RSF1: variants seen among roughly 807,000 people sequenced by gnomAD.
RSF1 encodes HBV pX-associated protein 8.
In RSF1, 13 loss-of-function variants were observed where a neutral mutation model predicts 145.2. That is an observed-to-expected ratio of 0.09 (90% confidence interval 0.06 to 0.14). RSF1 has a LOEUF of 0.14. Among genes scored for constraint, RSF1 ranks in the 10% least tolerant of loss-of-function variants. RSF1 has a pLI of 1.00. For synonymous variants in RSF1, 577 were observed against 592.6 expected (o/e 0.97, Z 0.38); for missense variants, 1,517 against 1,718.2 (o/e 0.88, Z 2.07).
At chr11:77,819,786 A>C (rs1948828546) in intron 1 of RSF1, among the ~76,000 whole-genome samples, 1 of 152,008 alleles carries the variant, frequency 6.6e-6, no homozygotes, top group African/African-American at 2.4e-5. Context: ...GGGGAGAGGA[A>C]GGAGAACTAT....
intron 15 of RSF1, among the ~76,000 whole-genome samples, chr11:77,670,809 T>C (rs1177283732): frequency 6.6e-6 from 1 of 151,806 alleles, no homozygotes; most frequent in African/African-American, 2.4e-5. Flanking sequence ...AAAACAATCT[T>C]CAAAACAGGC....
chr11:77,810,798 A>C (rs766229491), intron 1 of RSF1, among the ~76,000 whole-genome samples: 1 of 152,174 alleles, frequency 6.6e-6, no homozygotes, highest in African/African-American at 2.4e-5. Flanking sequence ...ACTGGTTCTA[A>C]ATGTATTTTC....
chr11:77,725,266 G>T (rs1961025717), intron 5 of RSF1, among the ~76,000 whole-genome samples: 2 of 152,038 alleles, frequency 1.3e-5, no homozygotes, highest in African/African-American at 4.8e-5. Context: ...CAATAAAAAA[G>T]TTCATTAAAT....
chr11:77,738,126 C>T (rs1053712433), intron 4 of RSF1, among the ~76,000 whole-genome samples: 1 of 151,916 alleles, frequency 6.6e-6, no homozygotes, highest in Non-Finnish European at 1.5e-5. Flanking sequence ...GAGACTCCGT[C>T]TCTAAAAACA....
intron 1 of RSF1, among the ~76,000 whole-genome samples, chr11:77,778,105 A>AGGAGAGGGGAGGAGGAGGGGGGAAGGG (rs1477292208): frequency 6.8e-4 from 1 of 1,466 alleles, no homozygotes; most frequent in African/African-American, 3.1e-3. Flanking sequence ...TGTCTTGGGA[A>AGGAGAGGGGAGGAGGAGGGGGGAAGGG]GGGGAGGGGA....
At chr11:77,677,465 G>A (rs191530849) in intron 12 of RSF1, among the ~76,000 whole-genome samples, 53 of 152,294 alleles carry the variant, frequency 3.5e-4, no homozygotes, top group African/African-American at 1.2e-3. Context: ...AACAGTGTTT[G>A]CAGGACAGAA....
the RSF1 span, chr11:77,869,306 C>CTTTT: frequency 9.0e-4 from 108 of 120,432 alleles, 2 homozygotes; most frequent in African/African-American, 3.3e-3. Context: ...TTATTTATCT[C>CTTTT]TTTTTCTTTT....
intron 13 of RSF1, among the ~76,000 whole-genome samples, chr11:77,676,299 TTA>T (rs1326805818): frequency 6.6e-6 from 1 of 152,048 alleles, no homozygotes; most frequent in African/African-American, 2.4e-5. Flanking sequence ...TTTTTGTGGT[TTA>T]TATACTTGTT....
At chr11:77,766,321 A>G (rs776388305) in intron 1 of RSF1, among the ~76,000 whole-genome samples, 2 of 152,176 alleles carry the variant, frequency 1.3e-5, no homozygotes, top group Non-Finnish European at 2.9e-5. Flanking sequence ...ATGACCTAAT[A>G]TTTTTCAGTC....
chr11:77,671,682 T>C (rs1590821081), intron 15 of RSF1, among the ~76,000 whole-genome samples: 1 of 149,376 alleles, frequency 6.7e-6, no homozygotes, highest in Non-Finnish European at 1.5e-5. Context: ...TCACCCAGGG[T>C]GGAGTGCAGT....
At chr11:77,820,315 C>T (rs1202025694) in intron 1 of RSF1, among the ~76,000 whole-genome samples, 3 of 152,204 alleles carry the variant, frequency 2.0e-5, no homozygotes, top group African/African-American at 7.2e-5. Flanking sequence ...GCTCCCCGCC[C>T]GGCCGAGTGG....
At chr11:77,735,959 G>C (rs999068577) in intron 4 of RSF1, among the ~76,000 whole-genome samples, 2 of 152,130 alleles carry the variant, frequency 1.3e-5, no homozygotes, top group African/African-American at 4.8e-5. Context: ...GGATGGTCTC[G>C]ATATCTTGAC....
the RSF1 span, among the ~76,000 whole-genome samples, chr11:77,855,949 C>A: frequency 6.6e-6 from 1 of 151,990 alleles, no homozygotes; most frequent in Non-Finnish European, 1.5e-5. Context: ...AAAACCCTGG[C>A]TCTAGCAAAA....
chr11:77,773,606 T>C (rs1287764545), intron 1 of RSF1, among the ~76,000 whole-genome samples: 2 of 152,286 alleles, frequency 1.3e-5, no homozygotes, highest in African/African-American at 4.8e-5. Context: ...ATTATACTTT[T>C]CTCTTTAGTG....
chr11:77,686,356 T>G (rs1960003710), intron 9 of RSF1, among the ~76,000 whole-genome samples: 2 of 135,386 alleles, frequency 1.5e-5, no homozygotes, highest in African/African-American at 5.7e-5. Flanking sequence ...TGCAGTGAGC[T>G]TTGATCATGC....
At chr11:77,855,740 T>A in the RSF1 span, among the ~76,000 whole-genome samples, 19 of 124,960 alleles carry the variant, frequency 1.5e-4, no homozygotes, top group Non-Finnish European at 3.0e-4. Context: ...TTTTTTTTGC[T>A]CAAGAATATG....
At chr11:77,833,197 A>G in the RSF1 span, among the ~76,000 whole-genome samples, 1 of 150,910 alleles carries the variant, frequency 6.6e-6, no homozygotes, top group Non-Finnish European at 1.5e-5. Flanking sequence ...TTTAGTAGAG[A>G]TGGGGTTTTC....
chr11:77,750,866 C>G (rs1395730970), intron 2 of RSF1, among the ~76,000 whole-genome samples: 1 of 152,136 alleles, frequency 6.6e-6, no homozygotes, highest in African/African-American at 2.4e-5. Flanking sequence ...ATCTATAAAT[C>G]TAGCTGATAG....
upstream of RSF1, chr11:77,820,744 TG>T (rs759941935): frequency 4.6e-6 from 7 of 1,529,602 alleles, 1 homozygote; most frequent in South Asian, 3.6e-5. Flanking sequence ...GAGGAGGCGA[TG>T]GGGGGGCGGG....
Sources: allele counts gnomAD v4.1 joint callset (sites outside exome capture counted in the v4.1 genomes callset), GRCh38; gene constraint gnomAD v4.1.1; transcripts MANE v1.5; gene names NCBI Gene and HGNC (gene_info 2026-07-23, HGNC 2026-07-21).